Variants in KCNIP4 observed in about 807,000 individuals in gnomAD.
KCNIP4 encodes potassium voltage-gated channel interacting protein 4.
A neutral mutation model predicts 34.0 loss-of-function variants in KCNIP4; 12 were observed. The ratio of observed to expected loss-of-function variants is 0.35; its 90% CI spans 0.23 to 0.57. The LOEUF is 0.57. Among genes scored for constraint, KCNIP4 ranks in the 20% least tolerant of loss-of-function variants. The probability of loss-of-function intolerance (pLI) is 0.83; values close to 1 mark genes in which losing one functional copy is unlikely to be tolerated. For missense variants in KCNIP4, 238 were observed against 311.7 expected (o/e 0.76, Z 1.78); for synonymous variants, 124 against 102.2 (o/e 1.21, Z -1.29).
At chr4:21,494,877 A>G (rs1047314538) in intron 1 of KCNIP4, among the ~76,000 whole-genome samples, 1 of 152,190 alleles carries the variant, frequency 6.6e-6, no homozygotes, top group African/African-American at 2.4e-5. Context: ...TAAGTCTGTT[A>G]AAATTAATTT....
chr4:20,779,589 ACAC>A (rs1304278782), intron 3 of KCNIP4, among the ~76,000 whole-genome samples: 805 of 5,742 alleles, frequency 0.14, 19 homozygotes, highest in African/African-American at 0.3. Context: ...CCCCCCCCCC[ACAC>A]AAAAAAGAAA....
At chr4:21,476,544 AC>A (rs1730993813) in intron 1 of KCNIP4, among the ~76,000 whole-genome samples, 1 of 151,724 alleles carries the variant, frequency 6.6e-6, no homozygotes, top group African/African-American at 2.4e-5. Context: ...GTTGGCCAGC[AC>A]CTTGATCTTG....
intron 1 of KCNIP4, among the ~76,000 whole-genome samples, chr4:21,086,519 C>T (rs1449272519): frequency 6.6e-6 from 1 of 152,154 alleles, no homozygotes; most frequent in Non-Finnish European, 1.5e-5. Context: ...AATCACCACT[C>T]ACTGGGCTGC....
chr4:21,827,186 T>C (rs1224280799), intron 1 of KCNIP4, among the ~76,000 whole-genome samples: 1 of 152,050 alleles, frequency 6.6e-6, no homozygotes, highest in East Asian at 1.9e-4. Flanking sequence ...TGTGTCTAAA[T>C]ATTTCACTCT....
chr4:20,951,874 C>G (rs1460580415), intron 1 of KCNIP4, among the ~76,000 whole-genome samples: 1 of 152,154 alleles, frequency 6.6e-6, no homozygotes, highest in East Asian at 1.9e-4. Flanking sequence ...GGATGGCTGG[C>G]TTCCTTTCTT....
At chr4:20,860,101 G>C (rs1048439929) in intron 2 of KCNIP4, among the ~76,000 whole-genome samples, 1 of 151,992 alleles carries the variant, frequency 6.6e-6, no homozygotes, top group Admixed American at 6.6e-5. Context: ...AGAATAGTGA[G>C]TGTATCTACA....
intron 1 of KCNIP4, among the ~76,000 whole-genome samples, chr4:21,935,871 T>C (rs1729834132): frequency 6.6e-6 from 1 of 152,000 alleles, no homozygotes; most frequent in South Asian, 2.1e-4. Flanking sequence ...ATATAGGTTC[T>C]CTTCAGTGAT....
intron 1 of KCNIP4, among the ~76,000 whole-genome samples, chr4:21,780,020 A>G (rs965285779): frequency 6.6e-6 from 1 of 152,130 alleles, no homozygotes; most frequent in African/African-American, 2.4e-5. Context: ...GTGATTTAAG[A>G]AGGAACTCGG....
intron 1 of KCNIP4, among the ~76,000 whole-genome samples, chr4:21,090,434 T>C (rs913067176): frequency 6.6e-6 from 1 of 152,172 alleles, no homozygotes; most frequent in Admixed American, 6.5e-5. Flanking sequence ...AGAAGCAGCA[T>C]ATACCCCCAA....
chr4:21,234,536 C>A (rs199510565), intron 1 of KCNIP4, among the ~76,000 whole-genome samples: 1 of 104,854 alleles, frequency 9.5e-6, no homozygotes, highest in Non-Finnish European at 1.8e-5. Context: ...TTACATATAA[C>A]GTATATAATA....
At chr4:20,841,748 TA>T (rs33945225) in intron 3 of KCNIP4, among the ~76,000 whole-genome samples, 56,806 of 149,600 alleles carry the variant, frequency 0.38, 11,006 homozygotes, top group Non-Finnish European at 0.43. Context: ...AGGGCCATCT[TA>T]AAAAAAAAAA....
chr4:21,703,145 A>G (rs956649768), intron 1 of KCNIP4, among the ~76,000 whole-genome samples: 1 of 152,148 alleles, frequency 6.6e-6, no homozygotes, highest in Admixed American at 6.6e-5. Flanking sequence ...TAGTAACATT[A>G]TGATTAATGG....
intron 1 of KCNIP4, among the ~76,000 whole-genome samples, chr4:21,256,314 A>G (rs1761058033): frequency 6.6e-6 from 1 of 152,040 alleles, no homozygotes; most frequent in South Asian, 2.1e-4. Flanking sequence ...AAAGTGGCTC[A>G]TGCCTGTAAT....
chr4:20,972,976 A>G (rs995655324), intron 1 of KCNIP4, among the ~76,000 whole-genome samples: 1 of 152,224 alleles, frequency 6.6e-6, no homozygotes, highest in Admixed American at 6.5e-5. Flanking sequence ...AAGGGCAAAG[A>G]AAGTGGTTTC....
intron 1 of KCNIP4, among the ~76,000 whole-genome samples, chr4:21,198,988 T>C (rs984419537): frequency 1.3e-5 from 2 of 152,190 alleles, no homozygotes; most frequent in African/African-American, 2.4e-5. Context: ...GATCTGGCGC[T>C]GTCCTTTCTC....
intron 1 of KCNIP4, among the ~76,000 whole-genome samples, chr4:20,945,146 G>A (rs1732061216): frequency 6.6e-6 from 1 of 152,186 alleles, no homozygotes; most frequent in African/African-American, 2.4e-5. Flanking sequence ...TCCTTTGGGA[G>A]CTGTGACTAA....
chr4:21,233,967 A>G (rs1025489933), intron 1 of KCNIP4, among the ~76,000 whole-genome samples: 2 of 137,876 alleles, frequency 1.5e-5, no homozygotes, highest in Non-Finnish European at 3.0e-5. Flanking sequence ...TATAACATAT[A>G]TTATATAACA....
chr4:21,089,494 C>T (rs1746782800), intron 1 of KCNIP4, among the ~76,000 whole-genome samples: 1 of 152,104 alleles, frequency 6.6e-6, no homozygotes, highest in Admixed American at 6.5e-5. Flanking sequence ...ACTAATACAG[C>T]ACTGAATCTA....
intron 1 of KCNIP4, among the ~76,000 whole-genome samples, chr4:21,103,343 T>G (rs1054658531): frequency 1.4e-5 from 2 of 146,610 alleles, no homozygotes; most frequent in African/African-American, 4.9e-5. Flanking sequence ...TAATATATAA[T>G]ATACATATAA....
Sources: allele counts gnomAD v4.1 joint callset (sites outside exome capture counted in the v4.1 genomes callset), GRCh38; gene constraint gnomAD v4.1.1; transcripts MANE v1.5; gene names NCBI Gene and HGNC (gene_info 2026-07-23, HGNC 2026-07-21).